Variants in ZC3H12B observed in about 807,000 individuals in gnomAD.
The protein encoded by ZC3H12B is probable ribonuclease ZC3H12B.
A neutral mutation model predicts 43.9 loss-of-function variants in ZC3H12B; 7 were observed. The observed-to-expected ratio is 0.16, with a 90% CI of 0.09 to 0.30. The LOEUF is 0.30. Ranked by LOEUF, ZC3H12B falls within the 10% of genes least tolerant of loss-of-function variation. The pLI, the probability that ZC3H12B is intolerant of heterozygous loss-of-function variation, is 1.00. For synonymous variants in ZC3H12B, 222 were observed against 241.7 expected, an observed-to-expected ratio of 0.92 and a Z score of 0.76; for missense variants, 475 against 670.2, an observed-to-expected ratio of 0.71 and a Z score of 3.22.
intron 3 of ZC3H12B, among the ~76,000 whole-genome samples, chrX:65,428,849 T>C (rs1379137356): frequency 8.9e-6 from 1 of 112,825 alleles, no homozygotes; most frequent in Non-Finnish European, 1.9e-5. Context: ...GTTTTTGGCA[T>C]TTTTGCATTA....
the ZC3H12B span, among the ~76,000 whole-genome samples, chrX:65,226,448 A>C: frequency 8.9e-6 from 1 of 111,777 alleles, no homozygotes; most frequent in Admixed American, 9.5e-5. Context: ...CAAGGCTAGG[A>C]AGAAACTGCG....
the ZC3H12B span, among the ~76,000 whole-genome samples, chrX:65,201,524 A>AT: frequency 8.2e-5 from 9 of 109,499 alleles, no homozygotes; most frequent in Non-Finnish European, 1.3e-4. Flanking sequence ...ATTTGAAGGG[A>AT]TTTTTTGTGC....
the ZC3H12B span, among the ~76,000 whole-genome samples, chrX:65,123,265 A>T: frequency 8.9e-6 from 1 of 111,746 alleles, no homozygotes; most frequent in Non-Finnish European, 1.9e-5. Flanking sequence ...CTTGCATCCC[A>T]GGGATGAAGC....
the ZC3H12B span, among the ~76,000 whole-genome samples, chrX:65,170,827 A>T: frequency 8.9e-6 from 1 of 112,121 alleles, no homozygotes; most frequent in African/African-American, 3.2e-5. Context: ...TGATCAAATC[A>T]GCTACTGAAG....
the ZC3H12B span, among the ~76,000 whole-genome samples, chrX:65,298,927 C>T: frequency 4.5e-5 from 5 of 111,332 alleles, no homozygotes; most frequent in East Asian, 2.8e-4. Context: ...CTTATAAAGC[C>T]GTCAGATCTC....
chrX:65,365,590 C>T (rs899036526), upstream of ZC3H12B, among the ~76,000 whole-genome samples: 2 of 110,909 alleles, frequency 1.8e-5, no homozygotes, highest in Non-Finnish European at 3.8e-5. Context: ...ATACCATCCC[C>T]CAAAATTTTT....
chrX:65,154,296 A>G, the ZC3H12B span, among the ~76,000 whole-genome samples: 2 of 112,202 alleles, frequency 1.8e-5, no homozygotes, highest in Non-Finnish European at 3.8e-5. Flanking sequence ...CATCGTATAC[A>G]TCTTTTGTTA....
intron 3 of ZC3H12B, among the ~76,000 whole-genome samples, chrX:65,459,457 A>G (rs1602483352): frequency 8.9e-6 from 1 of 111,859 alleles, no homozygotes; most frequent in African/African-American, 3.3e-5. Context: ...AAAAATCCTC[A>G]ATAAAATACT....
At chrX:65,092,708 A>G in the ZC3H12B span, among the ~76,000 whole-genome samples, 4 of 112,369 alleles carry the variant, frequency 3.6e-5, no homozygotes, top group East Asian at 2.8e-4. Flanking sequence ...CTAACAGCCT[A>G]TGCTCATATG....
intron 2 of ZC3H12B, among the ~76,000 whole-genome samples, chrX:65,381,482 A>C (rs965801606): frequency 1.8e-5 from 2 of 111,667 alleles, no homozygotes; most frequent in African/African-American, 3.3e-5. Context: ...ATAGCACTAA[A>C]TGTCCACAAG....
the ZC3H12B span, among the ~76,000 whole-genome samples, chrX:65,129,635 A>T: frequency 1.8e-5 from 2 of 111,324 alleles, no homozygotes; most frequent in Non-Finnish European, 1.9e-5. Flanking sequence ...ATCTGGATGT[A>T]TATGCACAGG....
At chrX:65,457,002 C>T in intron 3 of ZC3H12B, among the ~76,000 whole-genome samples, 1 of 101,826 alleles carries the variant, frequency 9.8e-6, no homozygotes, top group Non-Finnish European at 2.0e-5. Flanking sequence ...GCGAGGAGCG[C>T]CTCTTCCCCG....
At chrX:65,304,027 C>T in the ZC3H12B span, among the ~76,000 whole-genome samples, 1 of 112,404 alleles carries the variant, frequency 8.9e-6, no homozygotes, top group Non-Finnish European at 1.9e-5. Context: ...AAAAGAAATT[C>T]ACAAACCAAT....
chrX:65,174,127 G>T, the ZC3H12B span, among the ~76,000 whole-genome samples: 1 of 110,991 alleles, frequency 9.0e-6, no homozygotes, highest in Non-Finnish European at 1.9e-5. Context: ...TCATCCCAGA[G>T]GGGCACCAGC....
chrX:65,485,298 G>A (rs2068110594), upstream of ZC3H12B, among the ~76,000 whole-genome samples: 2 of 112,382 alleles, frequency 1.8e-5, no homozygotes, highest in African/African-American at 6.5e-5. Flanking sequence ...CTGTCACCCA[G>A]GCTGGAGTAC....
At chrX:65,094,119 C>T in the ZC3H12B span, among the ~76,000 whole-genome samples, 1 of 110,199 alleles carries the variant, frequency 9.1e-6, no homozygotes, top group Non-Finnish European at 1.9e-5. Context: ...TACTCTTTCT[C>T]CTGCTCCAGC....
chrX:65,190,225 G>T, the ZC3H12B span, among the ~76,000 whole-genome samples: 1 of 110,337 alleles, frequency 9.1e-6, no homozygotes, highest in African/African-American at 3.3e-5. Context: ...TTGAAGTCAG[G>T]TAGTGTGATG....
chrX:65,097,003 C>G, the ZC3H12B span, among the ~76,000 whole-genome samples: 1 of 111,481 alleles, frequency 9.0e-6, no homozygotes, highest in Non-Finnish European at 1.9e-5. Flanking sequence ...TTGCCTTATG[C>G]ATCCTACTAG....
chrX:65,115,526 G>T, the ZC3H12B span, among the ~76,000 whole-genome samples: 6 of 111,387 alleles, frequency 5.4e-5, no homozygotes, highest in Non-Finnish European at 1.1e-4. Context: ...GCATGTGCAA[G>T]TATCTTTTTC....
Sources: gnomAD v4.1 joint callset for allele counts (sites outside exome capture counted in the v4.1 genomes callset) on GRCh38, gnomAD v4.1.1 for gene constraint, MANE v1.5 for transcripts, NCBI Gene and HGNC (gene_info 2026-07-23, HGNC 2026-07-21) for gene names.